Variants in DNAH3 observed in about 807,000 individuals in gnomAD.
The protein encoded by DNAH3 is axonemal beta dynein heavy chain 3.
DNAH3 carries 332 observed loss-of-function variants against 432.5 expected under a neutral mutation model. The observed-to-expected ratio is 0.77, with a 90% CI of 0.70 to 0.84. DNAH3 has a LOEUF of 0.84. Ranked by LOEUF, DNAH3 falls within the 40% of genes least tolerant of loss-of-function variation. The pLI, the probability that DNAH3 is intolerant of heterozygous loss-of-function variation, is 0.00. For synonymous variants in DNAH3, 1,956 were observed against 1,900.2 expected, an observed-to-expected ratio of 1.03 and a Z score of -0.76; for missense variants, 4,861 against 5,114.0, an observed-to-expected ratio of 0.95 and a Z score of 1.51.
At chr16:21,081,271 C>T (rs566072917) in intron 20 of DNAH3, among the ~76,000 whole-genome samples, 98 of 151,774 alleles carry the variant, frequency 6.5e-4, no homozygotes, top group Non-Finnish European at 1.3e-3. Context: ...AGCTCAGAGA[C>T]GGTTGTTGCT....
At position 20,992,457 on chromosome 16, in the gene DNAH3, C is replaced by T. The variant is rs191884009; in HGVS notation, c.6602-4392G>A. Among the ~76,000 whole-genome samples the T allele has an allele frequency of 1.5e-4, 23 of 152,244 alleles. 1 individual carries two copies. Among genetic ancestry groups the T allele is most frequent in the African/African-American group, 4.8e-4 (20 of 41,538 alleles). On this transcript the variant is annotated intron_variant, in intron 44 of 61. Coordinates refer to ENST00000261383, the Ensembl canonical transcript of DNAH3. The stretch of plus-strand genomic sequence containing the variant: ...GCCTCCCGGGTTCACGCCATTCTCC[C>T]GCCTCAGCCTCCCCAGCAGCTGGGA...
chr16:20,982,758 G>C, exon 49 of DNAH3: 1 of 1,614,108 alleles, frequency 6.2e-7, no homozygotes, highest in Admixed American at 1.7e-5. Flanking sequence ...ACATCCTCTA[G>C]AAATTTGTTA....
exon 58 of DNAH3, chr16:20,944,526 T>G: frequency 1.9e-6 from 3 of 1,614,104 alleles, no homozygotes; most frequent in Non-Finnish European, 2.5e-6. Flanking sequence ...CTCCTGACTG[T>G]CTAGGGAGGG....
At chr16:21,037,976 C>T (rs202009111) in exon 34 of DNAH3, 41 of 1,613,864 alleles carry the variant, frequency 2.5e-5, no homozygotes, top group East Asian at 1.6e-4. Context: ...ATCTTCTGGG[C>T]GAGACTAGAA....
intron 3 of DNAH3, among the ~76,000 whole-genome samples, chr16:21,142,352 A>C (rs996684159): frequency 3.9e-5 from 6 of 152,142 alleles, no homozygotes; most frequent in Non-Finnish European, 8.8e-5. Context: ...GGGCAATGAG[A>C]GCGAAACTCC....
At chr16:21,049,967 T>G (rs1438311766) in exon 30 of DNAH3, 6 of 1,614,140 alleles carry the variant, frequency 3.7e-6, no homozygotes, top group Middle Eastern at 1.6e-4. Flanking sequence ...CAGTCCCAGC[T>G]GGACCCTCTG....
intron 16 of DNAH3, among the ~76,000 whole-genome samples, chr16:21,101,724 G>C (rs1375963822): frequency 6.6e-6 from 1 of 152,212 alleles, no homozygotes; most frequent in Non-Finnish European, 1.5e-5. Context: ...CCATGGAGGA[G>C]GAGGCATTGA....
exon 53 of DNAH3, chr16:20,964,680 A>G (rs753315282): frequency 6.2e-7 from 1 of 1,614,176 alleles, no homozygotes; most frequent in East Asian, 2.2e-5. Context: ...CAATGATGCC[A>G]TTGTCGATGG....
intron 51 of DNAH3, among the ~76,000 whole-genome samples, chr16:20,973,283 T>G (rs2085429421): frequency 6.6e-6 from 1 of 152,062 alleles, no homozygotes; most frequent in Non-Finnish European, 1.5e-5. Flanking sequence ...GATAAGGTCT[T>G]GCTCTGTCAC....
chr16:21,101,025 C>T (rs1433758780), intron 16 of DNAH3, among the ~76,000 whole-genome samples: 6 of 152,126 alleles, frequency 3.9e-5, no homozygotes, highest in African/African-American at 1.4e-4. Context: ...ACAACTGCTC[C>T]TTGACTTACA....
intron 9 of DNAH3, among the ~76,000 whole-genome samples, chr16:21,123,745 G>A (rs908132992): frequency 1.3e-5 from 2 of 152,042 alleles, no homozygotes; most frequent in African/African-American, 4.8e-5. Flanking sequence ...TCCAAATTCA[G>A]GGAATGCTAT....
intron 9 of DNAH3, among the ~76,000 whole-genome samples, chr16:21,123,688 T>A (rs574729561): frequency 3.3e-5 from 5 of 152,350 alleles, no homozygotes; most frequent in Non-Finnish European, 7.3e-5. Context: ...AGGTAAAATG[T>A]GCACACGGCA....
chr16:21,155,750 GTT>G (rs2092893771), intron 1 of DNAH3, among the ~76,000 whole-genome samples: 1 of 151,798 alleles, frequency 6.6e-6, no homozygotes, highest in Non-Finnish European at 1.5e-5. Context: ...AGTGTCGTGT[GTT>G]TTTATTTGCC....
intron 11 of DNAH3, among the ~76,000 whole-genome samples, chr16:21,118,090 C>A (rs1008822237): frequency 6.6e-6 from 1 of 151,366 alleles, no homozygotes; most frequent in African/African-American, 2.4e-5. Context: ...TGGGCTCAAG[C>A]GATTCTCCTG....
At chr16:20,979,375 G>C (rs144220924) in exon 50 of DNAH3, 3 of 1,614,142 alleles carry the variant, frequency 1.9e-6, no homozygotes, top group Non-Finnish European at 2.5e-6. Flanking sequence ...TCAGGTAGCG[G>C]TTCCTCATCA....
intron 48 of DNAH3, among the ~76,000 whole-genome samples, chr16:20,983,689 T>C (rs1348167684): frequency 6.6e-6 from 1 of 151,950 alleles, no homozygotes; most frequent in Non-Finnish European, 1.5e-5. Context: ...GGGAGCATGA[T>C]GTCTAGGTGG....
chr16:21,072,980 G>A (rs1346950737), intron 21 of DNAH3, among the ~76,000 whole-genome samples: 2 of 152,032 alleles, frequency 1.3e-5, no homozygotes, highest in African/African-American at 4.8e-5. Context: ...CACCAAGCCT[G>A]ACCAAGTGGT....
At chr16:21,134,320 C>T (rs751698402) in exon 7 of DNAH3, 16 of 1,614,004 alleles carry the variant, frequency 9.9e-6, no homozygotes, top group South Asian at 4.4e-5. Flanking sequence ...AGATGCTCCT[C>T]GTTCCACTTC....
At chr16:21,007,397 G>A (rs1004791340) in intron 41 of DNAH3, among the ~76,000 whole-genome samples, 6 of 151,826 alleles carry the variant, frequency 4.0e-5, no homozygotes, top group Non-Finnish European at 7.4e-5. Flanking sequence ...ATTTTTTGTA[G>A]AGATGGGGTT....
Sources: gnomAD v4.1 joint callset for allele counts (sites outside exome capture counted in the v4.1 genomes callset) on GRCh38, gnomAD v4.1.1 for gene constraint, MANE v1.5 for transcripts, NCBI Gene and HGNC (gene_info 2026-07-23, HGNC 2026-07-21) for gene names.